The following RAD51B variants were observed in gnomAD, a reference collection of about 807,000 sequenced individuals.
The protein encoded by RAD51B is DNA repair protein RAD51 homolog 2.
RAD51B carries 38 observed loss-of-function variants against 42.2 expected under a neutral mutation model. That is an observed-to-expected ratio of 0.90 (90% CI 0.70 to 1.18). The LOEUF (loss-of-function observed/expected upper bound fraction) is 1.18, where lower values mean the gene tolerates loss of function less well. Ranked by LOEUF, RAD51B falls within the 50% of genes most tolerant of loss-of-function variation. The pLI, the probability that RAD51B is intolerant of heterozygous loss-of-function variation, is 0.00. For synonymous variants in RAD51B, 154 were observed against 145.2 expected (o/e 1.06, Z -0.43); for missense variants, 373 against 400.7 (o/e 0.93, Z 0.59).
intron 7 of RAD51B, among the ~76,000 whole-genome samples, chr14:67,987,361 G>T (rs952749671): frequency 6.6e-6 from 1 of 151,914 alleles, no homozygotes; most frequent in South Asian, 2.1e-4. Flanking sequence ...CCAGCCTCTG[G>T]TAACCACCAT....
intron 5 of RAD51B, among the ~76,000 whole-genome samples, chr14:67,874,106 T>G (rs1009944084): frequency 8.7e-5 from 13 of 150,150 alleles, no homozygotes; most frequent in African/African-American, 3.2e-4. Flanking sequence ...AATTAATTAA[T>G]TAAAAAAATG....
Position 67,883,126 on chromosome 14 carries a change from GA to G in RAD51B, c.453-2742del, listed in dbSNP as rs1453015206. Among the ~76,000 whole-genome samples, 20 of 152,192 alleles carry G rather than the reference GA, an allele frequency of 1.3e-4. No homozygotes were observed. In the East Asian group the frequency reaches 1.9e-3, roughly 15 times the overall value. On this transcript the variant is annotated intron_variant, in intron 5 of 10. Coordinates refer to ENST00000471583, the MANE Select transcript of RAD51B (RefSeq NM_133510.4). The stretch of plus-strand genomic sequence containing the variant: ...CACTTGACCTGTTACTTCCCTGGGT[GA>G]GGTCACTACCAGCTCTTAACTGGTC...
chr14:68,253,200 C>A (rs2080677320), intron 7 of RAD51B, among the ~76,000 whole-genome samples: 1 of 151,784 alleles, frequency 6.6e-6, no homozygotes, highest in African/African-American at 2.4e-5. Context: ...TCCAGAGATA[C>A]CTTTAATACT....
At chr14:68,517,139 T>A (rs1886212717) in intron 10 of RAD51B, among the ~76,000 whole-genome samples, 1 of 152,030 alleles carries the variant, frequency 6.6e-6, no homozygotes, top group Non-Finnish European at 1.5e-5. Context: ...GTGCTTTTCC[T>A]CCAGATGACC....
intron 3 of RAD51B, among the ~76,000 whole-genome samples, chr14:67,831,346 A>T (rs1358163257): frequency 3.9e-5 from 6 of 152,204 alleles, no homozygotes; most frequent in Non-Finnish European, 7.3e-5. Flanking sequence ...AAGTGCATAC[A>T]GTAAGACGAT....
rs181529982 is a variant in RAD51B, at chr14:67,956,687, T to A, written c.756+69483T>A. Among the ~76,000 whole-genome samples, 3 of 152,302 alleles carry A rather than the reference T, an allele frequency of 2.0e-5. No individual in the cohort carries two copies. In the East Asian group the frequency reaches 5.8e-4, roughly 29 times the overall value. ...TATTAAACAATATAATCAAACCAAG[T>A]CATGCATAATATCTTATATTCCTAT... On this transcript the variant is annotated intron_variant, in intron 7 of 10. Coordinates refer to ENST00000471583, the MANE Select transcript of RAD51B (RefSeq NM_133510.4).
rs1270021006 is a variant in RAD51B, at chr14:68,525,212, AG to A, written c.1036+56965del. On this transcript the variant is annotated intron_variant, in intron 10 of 10. Coordinates refer to the RAD51B transcript ENST00000487270. ...GGAAGGGGCCATAAGCCGAGGACTG[AG>A]GGCCACCTCTAGAAGCTGGAAAAGG... Among the ~76,000 whole-genome samples, 11 of 152,344 alleles carry A rather than the reference AG, an allele frequency of 7.2e-5. No individual in the cohort carries two copies. The East Asian group carries it at 1.9e-3, about 27-fold the overall frequency.
downstream of RAD51B, among the ~76,000 whole-genome samples, chr14:68,613,237 G>A (rs1382940487): frequency 5.3e-5 from 8 of 152,182 alleles, no homozygotes; most frequent in African/African-American, 1.7e-4. Flanking sequence ...CCAACATGGT[G>A]AAACCCTGTC....
At chr14:68,048,410 T>C (rs2076337921) in intron 7 of RAD51B, among the ~76,000 whole-genome samples, 1 of 152,328 alleles carries the variant, frequency 6.6e-6, no homozygotes, top group African/African-American at 2.4e-5. Context: ...ACTCTGATAG[T>C]AGTTTCTTTT....
At chr14:68,193,076 T>C (rs1341949360) in intron 7 of RAD51B, among the ~76,000 whole-genome samples, 1 of 152,142 alleles carries the variant, frequency 6.6e-6, no homozygotes. Flanking sequence ...AAACTTTTCT[T>C]CTTCACTTGT....
intron 3 of RAD51B, among the ~76,000 whole-genome samples, chr14:67,833,384 A>G (rs1485677586): frequency 6.6e-6 from 1 of 152,212 alleles, no homozygotes; most frequent in African/African-American, 2.4e-5. Context: ...TTGAACAAAA[A>G]AAAGGAGAAT....
At chr14:68,497,573 A>G in intron 10 of RAD51B, 1 of 1,011,524 alleles carries the variant, frequency 9.9e-7, no homozygotes, top group Non-Finnish European at 1.2e-6. Flanking sequence ...TTTTAAAGTA[A>G]ACAATTCCGT....
At chr14:68,563,106 C>T (rs975753267) in intron 10 of RAD51B, 6 of 985,470 alleles carry the variant, frequency 6.1e-6, no homozygotes, top group Non-Finnish European at 7.2e-6. Flanking sequence ...CTTGTTGACT[C>T]TGCCGGGTTC....
chr14:67,984,994 C>T lies in RAD51B; in HGVS notation c.756+97790C>T, dbSNP rs10450924. ...ATAGAACAAAAAGTTAAGAAACCAC[C>T]GATCTAATTGTCAGGTCTGTTTCCG... is the stretch of plus-strand genomic sequence containing the variant. On this transcript the variant is annotated intron_variant, in intron 7 of 10. Coordinates refer to ENST00000471583, the MANE Select transcript of RAD51B (RefSeq NM_133510.4). Among the ~76,000 whole-genome samples the T allele has an allele frequency of 8.1e-3, 1,227 of 152,188 alleles. 15 individuals are homozygous for T. Among genetic ancestry groups the T allele is most frequent in the African/African-American group, 0.028 (1,147 of 41,532 alleles).
chr14:68,252,329 A>G (rs1372426031), intron 7 of RAD51B, among the ~76,000 whole-genome samples: 1 of 152,242 alleles, frequency 6.6e-6, no homozygotes, highest in Non-Finnish European at 1.5e-5. Flanking sequence ...TATGAATGGA[A>G]GAGGGAGAAA....
intron 11 of RAD51B, among the ~76,000 whole-genome samples, chr14:68,665,419 T>TTATTCCTGCTC (rs768525843): frequency 1.9e-4 from 29 of 152,348 alleles, no homozygotes; most frequent in Admixed American, 1.7e-3. Flanking sequence ...GTATAAAAAG[T>TTATTCCTGCTC]TATTCCTGGC....
At chr14:67,988,515 A>G (rs933906278) in intron 7 of RAD51B, among the ~76,000 whole-genome samples, 1 of 152,140 alleles carries the variant, frequency 6.6e-6, no homozygotes, top group East Asian at 1.9e-4. Context: ...ATGAAAAACA[A>G]CATCTTGTCT....
chr14:68,674,153 A>T (rs1893252847), intron 11 of RAD51B, among the ~76,000 whole-genome samples: 1 of 149,630 alleles, frequency 6.7e-6, no homozygotes, highest in Non-Finnish European at 1.5e-5. Context: ...AATACTGTAC[A>T]CACATATATA....
intron 7 of RAD51B, among the ~76,000 whole-genome samples, chr14:67,992,422 T>C (rs990175873): frequency 1.3e-5 from 2 of 152,146 alleles, no homozygotes; most frequent in African/African-American, 2.4e-5. Flanking sequence ...GGGAGTTAAG[T>C]AGTGAATTTT....
Sources: gnomAD v4.1 joint callset for allele counts (sites outside exome capture counted in the v4.1 genomes callset) on GRCh38, gnomAD v4.1.1 for gene constraint, MANE v1.5 for transcripts, NCBI Gene and HGNC (gene_info 2026-07-23, HGNC 2026-07-21) for gene names.